ATF6: variants seen among roughly 807,000 people sequenced by gnomAD.
ATF6 encodes activating transcription factor 6.
ATF6 carries 53 observed loss-of-function variants against 83.6 expected under a neutral mutation model. The observed-to-expected ratio is 0.63, with a 90% confidence interval of 0.51 to 0.80. The LOEUF is 0.80. Among genes scored for constraint, ATF6 ranks in the 30% least tolerant of loss-of-function variants. The probability of loss-of-function intolerance (pLI) is 0.00; values close to 1 mark genes in which losing one functional copy is unlikely to be tolerated. For missense variants in ATF6, 744 were observed against 797.9 expected, an observed-to-expected ratio of 0.93 and a Z score of 0.81; for synonymous variants, 288 against 285.8, an observed-to-expected ratio of 1.01 and a Z score of -0.08.
chr1:161,788,657 A>G (rs1684802395), intron 4 of ATF6, among the ~76,000 whole-genome samples: 1 of 151,892 alleles, frequency 6.6e-6, no homozygotes, highest in Admixed American at 6.6e-5. Flanking sequence ...TTCTTTTATT[A>G]ACCATATGGT....
At chr1:161,897,303 A>G (rs531271735) in intron 14 of ATF6, among the ~76,000 whole-genome samples, 28 of 151,908 alleles carry the variant, frequency 1.8e-4, no homozygotes, top group African/African-American at 6.8e-4. Flanking sequence ...GCATGGTGGC[A>G]TGCACCTGTA....
chr1:161,953,923 A>T (rs561019562), intron 15 of ATF6, among the ~76,000 whole-genome samples: 51 of 152,332 alleles, frequency 3.3e-4, no homozygotes, highest in African/African-American at 1.2e-3. Context: ...GAACATTTAT[A>T]AATTGGTTAT....
At chr1:161,956,573 G>T (rs1412655962) in intron 15 of ATF6, among the ~76,000 whole-genome samples, 1 of 152,232 alleles carries the variant, frequency 6.6e-6, no homozygotes, top group East Asian at 1.9e-4. Flanking sequence ...TGAAATTGGA[G>T]TTAAGCTTCC....
chr1:161,891,518 T>G (rs1278613450), intron 14 of ATF6: 1 of 152,218 alleles, frequency 6.6e-6, no homozygotes, highest in Non-Finnish European at 1.5e-5. Context: ...AAGTGGAAGA[T>G]TATCGCTGCA....
intron 14 of ATF6, among the ~76,000 whole-genome samples, chr1:161,902,184 C>T (rs1020185091): frequency 1.3e-5 from 2 of 152,080 alleles, no homozygotes; most frequent in African/African-American, 2.4e-5. Flanking sequence ...AACAATAATT[C>T]GCCATTATTT....
chr1:161,849,612 TCA>T (rs1479851578), intron 10 of ATF6, among the ~76,000 whole-genome samples: 1 of 152,160 alleles, frequency 6.6e-6, no homozygotes, highest in Non-Finnish European at 1.5e-5. Flanking sequence ...GGCTGCTGCT[TCA>T]CAGTAATCTT....
chr1:161,769,944 G>T (rs1684347369), intron 1 of ATF6, among the ~76,000 whole-genome samples: 1 of 152,096 alleles, frequency 6.6e-6, no homozygotes, highest in Non-Finnish European at 1.5e-5. Context: ...GTGTGGCCTG[G>T]TTCCCAACAG....
chr1:161,893,611 C>A (rs1687605866), intron 14 of ATF6, among the ~76,000 whole-genome samples: 1 of 152,200 alleles, frequency 6.6e-6, no homozygotes, highest in Non-Finnish European at 1.5e-5. Flanking sequence ...AGAAAGACGT[C>A]TTACTTCCTT....
At chr1:161,779,326 G>A (rs1002980652) in intron 2 of ATF6, among the ~76,000 whole-genome samples, 5 of 152,134 alleles carry the variant, frequency 3.3e-5, no homozygotes, top group Non-Finnish European at 4.4e-5. Flanking sequence ...AAGATTAAGG[G>A]AAATATATTC....
chr1:161,807,019 G>T (rs1447649813), intron 7 of ATF6, among the ~76,000 whole-genome samples: 1 of 152,050 alleles, frequency 6.6e-6, no homozygotes, highest in African/African-American at 2.4e-5. Context: ...CATGTGTATA[G>T]CAAGCAGAAA....
At chr1:161,941,094 T>C (rs1202154195) in intron 15 of ATF6, among the ~76,000 whole-genome samples, 1 of 152,200 alleles carries the variant, frequency 6.6e-6, no homozygotes, top group African/African-American at 2.4e-5. Flanking sequence ...TGAATCATAT[T>C]GATCATGGGA....
At chr1:161,797,363 A>G (rs1685046256) in intron 6 of ATF6, among the ~76,000 whole-genome samples, 1 of 152,178 alleles carries the variant, frequency 6.6e-6, no homozygotes, top group Non-Finnish European at 1.5e-5. Context: ...TCCAAATAGG[A>G]AGAGAGGAAG....
At chr1:161,935,780 A>G (rs965530983) in intron 15 of ATF6, among the ~76,000 whole-genome samples, 4 of 152,244 alleles carry the variant, frequency 2.6e-5, no homozygotes, top group African/African-American at 9.6e-5. Flanking sequence ...GCCTAGTAAT[A>G]TAATAGGTCC....
intron 6 of ATF6, among the ~76,000 whole-genome samples, chr1:161,801,640 T>G (rs1426490994): frequency 6.6e-6 from 1 of 152,128 alleles, no homozygotes; most frequent in Non-Finnish European, 1.5e-5. Flanking sequence ...TTGTATGCAT[T>G]TGTAAATCCT....
chr1:161,889,135 C>T (rs1687494958), intron 14 of ATF6, among the ~76,000 whole-genome samples: 1 of 152,236 alleles, frequency 6.6e-6, no homozygotes, highest in South Asian at 2.1e-4. Flanking sequence ...ACACAGATTG[C>T]TGCCTTGTTA....
chr1:161,884,491 A>T (rs1261034139), intron 14 of ATF6, among the ~76,000 whole-genome samples: 1 of 152,136 alleles, frequency 6.6e-6, no homozygotes, highest in African/African-American at 2.4e-5. Flanking sequence ...AAGTGTGACT[A>T]TCTGAATAAT....
chr1:161,789,555 A>C (rs1684831386), intron 4 of ATF6, among the ~76,000 whole-genome samples: 1 of 151,968 alleles, frequency 6.6e-6, no homozygotes. Context: ...TACCTTGCTA[A>C]AAGGCACGCT....
intron 15 of ATF6, among the ~76,000 whole-genome samples, chr1:161,934,933 C>G (rs1270859353): frequency 6.6e-6 from 1 of 152,150 alleles, no homozygotes; most frequent in Admixed American, 6.5e-5. Flanking sequence ...TACTTCTCTG[C>G]CTACCCTTGA....
At chr1:161,786,243 C>T (rs1391446537) in intron 4 of ATF6, among the ~76,000 whole-genome samples, 1 of 152,124 alleles carries the variant, frequency 6.6e-6, no homozygotes, top group African/African-American at 2.4e-5. Context: ...CCTCGGCCCC[C>T]CAAAGTGCTT....
Sources: allele counts gnomAD v4.1 joint callset (sites outside exome capture counted in the v4.1 genomes callset), GRCh38; gene constraint gnomAD v4.1.1; transcripts MANE v1.5; gene names NCBI Gene and HGNC (gene_info 2026-07-23, HGNC 2026-07-21).